Variants in NEMF observed in about 807,000 individuals in gnomAD.
The protein encoded by NEMF is ribosome quality control complex subunit NEMF.
NEMF carries 89 observed loss-of-function variants against 162.2 expected under a neutral mutation model. The ratio of observed to expected loss-of-function variants is 0.55; its 90% CI spans 0.46 to 0.65. The LOEUF is 0.65. Ranked by LOEUF, NEMF falls within the 30% of genes least tolerant of loss-of-function variation. The pLI is 0.00. For missense variants in NEMF, 1,133 were observed against 1,261.9 expected (o/e 0.90, Z 1.55); for synonymous variants, 421 against 404.5 (o/e 1.04, Z -0.49).
intron 14 of NEMF, 62 bp from the exon 15 acceptor site, chr14:49,828,416 G>C (rs1892468739): frequency 2.7e-6 from 3 of 1,124,100 alleles, no homozygotes; most frequent in East Asian, 5.2e-5. Flanking sequence ...TTTCTACTTA[G>C]TTCTAACTTG....
intron 10 of NEMF, 69 bp from the exon 11 acceptor site, chr14:49,831,430 A>G (rs1892631240): frequency 1.1e-6 from 1 of 870,758 alleles, no homozygotes; most frequent in East Asian, 2.7e-5. Flanking sequence ...CATACACAGA[A>G]TTTTATTTTT....
intron 11 of NEMF, among the ~76,000 whole-genome samples, chr14:49,830,615 C>T (rs1253947070): frequency 6.6e-6 from 1 of 152,226 alleles, no homozygotes; most frequent in Non-Finnish European, 1.5e-5. Context: ...GAACTCCTGA[C>T]CTCAAGTGAT....
chr14:49,816,074 G>C (rs1891703014), intron 16 of NEMF, among the ~76,000 whole-genome samples: 1 of 152,292 alleles, frequency 6.6e-6, no homozygotes, highest in African/African-American at 2.4e-5. Flanking sequence ...CTGGCTTCCT[G>C]AGTATCCGTC....
At chr14:49,827,481 C>T (rs1270302563) in intron 15 of NEMF, among the ~76,000 whole-genome samples, 1 of 152,160 alleles carries the variant, frequency 6.6e-6, no homozygotes, top group African/African-American at 2.4e-5. Flanking sequence ...ACCACCACAC[C>T]CAGTCTTCAC....
chr14:49,784,931 G>C lies in NEMF; in HGVS notation c.3147C>G (p.Ser1049Arg). Reference protein sequence around the residue: ...ATAREKDLFRSVKDTDLSRNI... With the variant: ...ATAREKDLFRRVKDTDLSRNI... The stretch of plus-strand genomic sequence containing the variant: ...TTCTGAAGGAGAACTTTACCTTTAC[G>C]CTGCGGAATAAGTCTTTTTCTCTTG... Residue 1049 changes from serine to arginine, a missense_variant, in exon 32 of 33, where the codon AGC (serine) becomes AGG (arginine). This residue lies in a region of NEMF where 532 missense variants were observed against 578.6 expected (regional missense o/e 0.92). Coordinates refer to ENST00000298310, the MANE Select transcript of NEMF (RefSeq NM_004713.6). 1 of 1,612,726 alleles carries C rather than the reference G, an allele frequency of 6.2e-7. No individual in the cohort carries two copies. Among genetic ancestry groups the C allele is most frequent in the Non-Finnish European group, 8.5e-7 (1 of 1,179,030 alleles).
intron 4 of NEMF, among the ~76,000 whole-genome samples, chr14:49,845,185 C>T (rs1022505800): frequency 6.6e-6 from 1 of 151,718 alleles, no homozygotes; most frequent in Admixed American, 6.6e-5. Context: ...CTCTGCCTCC[C>T]AGGTTCAAGT....
At chr14:49,819,204 A>G (rs897459156) in intron 16 of NEMF, among the ~76,000 whole-genome samples, 2 of 152,256 alleles carry the variant, frequency 1.3e-5, no homozygotes, top group South Asian at 4.1e-4. Context: ...TAGACATCCA[A>G]TATATGGCAT....
At chr14:49,789,003 C>G (rs185164138) in intron 28 of NEMF, 143 bp downstream of exon 28, 1 of 689,608 alleles carries the variant, frequency 1.5e-6, no homozygotes, top group Admixed American at 2.4e-5. Context: ...TTTAGTCTTT[C>G]AGGTTGTATT....
chr14:49,823,045 T>C (rs1025010344), intron 16 of NEMF, among the ~76,000 whole-genome samples: 1 of 151,994 alleles, frequency 6.6e-6, no homozygotes, highest in Non-Finnish European at 1.5e-5. Flanking sequence ...CAAGTGATTC[T>C]TGTGTCTCAG....
Position 49,782,792 on chromosome 14 carries a change from A to G in NEMF, c.*1844T>C. 6.3e-7 allele frequency: 1 copy of G among 1,599,886 alleles called. No homozygotes were observed. Among genetic ancestry groups the G allele is most frequent in the Non-Finnish European group, 8.5e-7 (1 of 1,173,956 alleles). ...CAAGTGAATGTACTTCCAAACAGTA[A>G]AGTGAAATTACTTTTCTCTTTCCTT... On this transcript the variant is annotated 3_prime_UTR_variant, in exon 33 of 33. Transcript: ENST00000298310.
chr14:49,839,153 C>T (rs919272286), intron 5 of NEMF, among the ~76,000 whole-genome samples: 3 of 151,756 alleles, frequency 2.0e-5, no homozygotes, highest in Non-Finnish European at 4.4e-5. Context: ...TCTCAGCTCA[C>T]TGCAACCTCT....
intron 16 of NEMF, among the ~76,000 whole-genome samples, chr14:49,823,124 G>A (rs1020471186): frequency 1.3e-5 from 2 of 151,874 alleles, no homozygotes; most frequent in African/African-American, 4.8e-5. Flanking sequence ...ATTTTTAGTA[G>A]AGATGGGTTT....
intron 18 of NEMF, 61 bp downstream of exon 18, chr14:49,813,927 G>A: frequency 9.8e-7 from 1 of 1,023,210 alleles, no homozygotes; most frequent in Non-Finnish European, 1.5e-6. Context: ...TTGTCTTACA[G>A]TCACACTAAA....
chr14:49,834,678 T>C (rs1407809616), intron 6 of NEMF, among the ~76,000 whole-genome samples: 3 of 152,112 alleles, frequency 2.0e-5, no homozygotes, highest in African/African-American at 7.2e-5. Flanking sequence ...GGACAAGGTT[T>C]CACCATGTTG....
intron 19 of NEMF, among the ~76,000 whole-genome samples, chr14:49,804,709 G>T (rs1891109994): frequency 6.6e-6 from 1 of 151,350 alleles, no homozygotes; most frequent in Non-Finnish European, 1.5e-5. Context: ...CCCAAATCTT[G>T]AGAGTATCTT....
rs140015577 is a variant in NEMF, at chr14:49,782,782, C to CCAAA, written c.*1850_*1853dup. The CCAAA allele has an allele frequency of 4.1e-3, 6,451 of 1,590,280 alleles. 250 individuals carry two copies. In the African/African-American group the frequency reaches 0.076, roughly 19 times the overall value. ...TGTAGTTTTTCAAGTGAATGTACTT[C>CCAAA]CAAACAGTAAAGTGAAATTACTTTT... On this transcript the variant is annotated 3_prime_UTR_variant, in exon 33 of 33. Transcript: ENST00000298310.
Position 49,832,098 on chromosome 14 carries a change from A to G in NEMF, c.835T>C (p.Ser279Pro), listed in dbSNP as rs761772235. ...ATATATGGACATTGTGAATGTTGAG[A>G]AAACAAGAAAGGATGAAATTCCTCA... The part of the protein sequence containing the change: ...TYEEFHPFLF[S>P]QHSQCPYIEF... The change falls in exon 10 of 33, where the codon TCT (serine) becomes CCT (proline). Residue 279 changes from serine to proline, a missense_variant. By Grantham distance (74) the Ser-to-Pro change is moderately conservative. Around this residue, in one of 3 missense-constraint regions of NEMF, gnomAD observed 582 missense variants for 631.5 expected, o/e 0.92. Transcript: ENST00000298310. 3.1e-6 allele frequency: 5 copies of G among 1,606,896 alleles called. No individual in the cohort carries two copies. Among genetic ancestry groups the G allele is most frequent in the Non-Finnish European group, 4.2e-6 (5 of 1,177,704 alleles).
intron 4 of NEMF, among the ~76,000 whole-genome samples, chr14:49,842,995 A>C (rs1893290770): frequency 6.6e-6 from 1 of 152,058 alleles, no homozygotes. Flanking sequence ...ACAGGGTGAG[A>C]CTTATTCTCA....
At chr14:49,814,668 G>T in intron 17 of NEMF, 86 bp downstream of exon 17, 1 of 664,664 alleles carries the variant, frequency 1.5e-6, no homozygotes. Flanking sequence ...AAACAGAAGA[G>T]TATAACAAGA....
Sources: allele counts gnomAD v4.1 joint callset (sites outside exome capture counted in the v4.1 genomes callset), GRCh38; gene constraint gnomAD v4.1.1; regional missense constraint gnomAD v4.1.1; transcripts MANE v1.5; gene names NCBI Gene and HGNC (gene_info 2026-07-23, HGNC 2026-07-21).